The following GLRA2 variants were observed in gnomAD, a reference collection of about 807,000 sequenced individuals.
GLRA2 encodes glycine receptor alpha 2.
A neutral mutation model predicts 31.6 loss-of-function variants in GLRA2; 11 were observed. The observed-to-expected ratio is 0.35, with a 90% CI of 0.22 to 0.58. The LOEUF (loss-of-function observed/expected upper bound fraction) is 0.58, where lower values mean the gene tolerates loss of function less well. Among genes scored for constraint, GLRA2 ranks in the 20% least tolerant of loss-of-function variants. The probability of loss-of-function intolerance (pLI) is 0.84; values close to 1 mark genes in which losing one functional copy is unlikely to be tolerated. For synonymous variants in GLRA2, 132 were observed against 134.0 expected (o/e 0.99, Z 0.10); for missense variants, 212 against 351.8 (o/e 0.60, Z 3.18).
chrX:14,670,628 G>A (rs181661237), intron 7 of GLRA2, among the ~76,000 whole-genome samples: 62 of 110,984 alleles, frequency 5.6e-4, no homozygotes, highest in Non-Finnish European at 8.9e-4. Context: ...CAGATCTCGC[G>A]AGACTTATTC....
At chrX:14,579,314 A>G (rs898335706) in intron 3 of GLRA2, among the ~76,000 whole-genome samples, 12 of 109,212 alleles carry the variant, frequency 1.1e-4, no homozygotes, top group African/African-American at 3.3e-4. Context: ...AGGAAGAATC[A>G]AGAATCTATT....
chrX:14,688,889 C>T (rs917414378), intron 7 of GLRA2, among the ~76,000 whole-genome samples: 3 of 111,646 alleles, frequency 2.7e-5, no homozygotes, highest in African/African-American at 9.8e-5. Context: ...TCTTCTGCGT[C>T]GCTCAGGCTG....
intron 8 of GLRA2, among the ~76,000 whole-genome samples, chrX:14,728,082 T>TA (rs1175087239): frequency 1.2e-4 from 13 of 112,483 alleles, no homozygotes; most frequent in African/African-American, 3.9e-4. Flanking sequence ...GTAGTAGTTT[T>TA]ATAGTTACTT....
chrX:14,492,845 G>T, the GLRA2 span, among the ~76,000 whole-genome samples: 1 of 111,863 alleles, frequency 8.9e-6, no homozygotes, highest in Non-Finnish European at 1.9e-5. Flanking sequence ...TGAAGTCTGG[G>T]AAGTCCAAGA....
intron 2 of GLRA2, among the ~76,000 whole-genome samples, chrX:14,554,284 A>G (rs950209966): frequency 1.8e-5 from 2 of 111,887 alleles, no homozygotes; most frequent in African/African-American, 6.5e-5. Flanking sequence ...TCTTGCTGAC[A>G]TAGAAAACCT....
intron 4 of GLRA2, among the ~76,000 whole-genome samples, chrX:14,590,669 C>T (rs781556178): frequency 8.9e-6 from 1 of 112,075 alleles, no homozygotes; most frequent in Non-Finnish European, 1.9e-5. Flanking sequence ...CTATGAAAAA[C>T]TATGATTTCT....
At chrX:14,708,334 T>C (rs1302452965) in intron 8 of GLRA2, among the ~76,000 whole-genome samples, 2 of 111,793 alleles carry the variant, frequency 1.8e-5, no homozygotes, top group African/African-American at 3.3e-5. Flanking sequence ...CAAATTCACC[T>C]GACCATCTCA....
At position 14,581,350 on chromosome X, in the gene GLRA2, C is replaced by G; in HGVS notation, c.438C>G (p.Thr146=). The G allele has an allele frequency of 8.3e-7, 1 of 1,205,803 alleles. No individual in the cohort carries two copies. The highest frequency in any genetic ancestry group is 1.1e-6 in the Non-Finnish European group (1 of 890,050). The part of the protein sequence containing the change: ...NEKGANFHDV[T]TDNKLLRISK... The stretch of plus-strand genomic sequence containing the variant: ...AGGGTGCCAACTTCCACGATGTCAC[C>G]ACTGACAACAAATTGCTACGGATTT... The change falls in exon 4 of 9, where the codon ACC becomes ACG. Residue 146 remains threonine, a synonymous_variant. Coordinates refer to ENST00000218075, the MANE Select transcript of GLRA2 (RefSeq NM_002063.4).
the GLRA2 span, among the ~76,000 whole-genome samples, chrX:14,472,902 A>G: frequency 9.0e-6 from 1 of 111,199 alleles, no homozygotes; most frequent in Non-Finnish European, 1.9e-5. Flanking sequence ...GAATACTCCT[A>G]TACAAGAAGA....
intron 4 of GLRA2, among the ~76,000 whole-genome samples, chrX:14,598,063 G>A (rs978351698): frequency 2.7e-5 from 3 of 111,260 alleles, no homozygotes; most frequent in East Asian, 2.8e-4. Flanking sequence ...CCCCAGATGT[G>A]TCCATGTGCC....
intron 4 of GLRA2, among the ~76,000 whole-genome samples, chrX:14,589,676 A>T (rs906347557): frequency 1.4e-3 from 97 of 71,769 alleles, no homozygotes; most frequent in African/African-American, 4.2e-3. Context: ...ATCTCAAAAA[A>T]ATATATATAT....
chrX:14,704,839 A>T lies in GLRA2; in HGVS notation c.1080+13980A>T, dbSNP rs917960624. Among the ~76,000 whole-genome samples, 3 of 111,892 alleles carry T rather than the reference A, an allele frequency of 2.7e-5. No homozygotes were observed. In the South Asian group the frequency reaches 1.1e-3, roughly 42 times the overall value. Reference sequence around the variant, plus strand: ...GGGCAGATAAAAAAAACTGCTTGAAACCTGTTTTCACAAAATTTTAGAGGT... The same window carrying T: ...GGGCAGATAAAAAAAACTGCTTGAATCCTGTTTTCACAAAATTTTAGAGGT... On this transcript the variant is annotated intron_variant, in intron 8 of 8. Transcript: ENST00000218075.
chrX:14,554,311 G>A (rs1044968010), intron 2 of GLRA2, among the ~76,000 whole-genome samples: 7 of 111,888 alleles, frequency 6.3e-5, no homozygotes, highest in African/African-American at 2.3e-4. Flanking sequence ...TAACAGTACT[G>A]TAGTGACCTT....
At chrX:14,504,939 CTAGAATG>C in the GLRA2 span, among the ~76,000 whole-genome samples, 1 of 111,777 alleles carries the variant, frequency 8.9e-6, no homozygotes, top group Non-Finnish European at 1.9e-5. Flanking sequence ...CTAGGAACTT[CTAGAATG>C]TACCAGAAGT....
the GLRA2 span, among the ~76,000 whole-genome samples, chrX:14,499,136 G>C: frequency 2.7e-5 from 3 of 111,690 alleles, no homozygotes; most frequent in African/African-American, 9.8e-5. Flanking sequence ...CCCAGCAGTG[G>C]AATTGCTGAA....
chrX:14,508,375 G>A, the GLRA2 span, among the ~76,000 whole-genome samples: 59 of 111,961 alleles, frequency 5.3e-4, 2 homozygotes, highest in South Asian at 0.021. Flanking sequence ...AGGAGAGGAG[G>A]GCTTGATTAA....
intron 7 of GLRA2, among the ~76,000 whole-genome samples, chrX:14,638,614 C>G (rs1569514478): frequency 9.0e-6 from 1 of 111,000 alleles, no homozygotes; most frequent in Non-Finnish European, 1.9e-5. Flanking sequence ...TGTTTGGTAT[C>G]AACTTCCTGA....
the GLRA2 span, among the ~76,000 whole-genome samples, chrX:14,494,133 C>T: frequency 1.8e-5 from 2 of 111,024 alleles, no homozygotes; most frequent in African/African-American, 3.3e-5. Flanking sequence ...TAAAACTAAT[C>T]TAAGGTCTTA....
intron 7 of GLRA2, among the ~76,000 whole-genome samples, chrX:14,665,574 G>C (rs1399689592): frequency 9.0e-6 from 1 of 111,438 alleles, no homozygotes; most frequent in Non-Finnish European, 1.9e-5. Flanking sequence ...ATGGTGGAGG[G>C]GATGTATAGT....
Sources: allele counts gnomAD v4.1 joint callset (sites outside exome capture counted in the v4.1 genomes callset), GRCh38; gene constraint gnomAD v4.1.1; transcripts MANE v1.5; gene names NCBI Gene and HGNC (gene_info 2026-07-23, HGNC 2026-07-21).